PPHLN1: variants seen among roughly 807,000 people sequenced by gnomAD.
PPHLN1 encodes the protein periphilin 1, also known as periphilin-1.
Under a neutral mutation model 51.3 loss-of-function variants are expected in PPHLN1, and 29 were observed. That is an observed-to-expected ratio of 0.57 (90% CI 0.42 to 0.77). PPHLN1 has a LOEUF of 0.77. Ranked by LOEUF, PPHLN1 falls within the 30% of genes least tolerant of loss-of-function variation. The pLI, the probability that PPHLN1 is intolerant of heterozygous loss-of-function variation, is 0.00. For synonymous variants in PPHLN1, 147 were observed against 147.8 expected (o/e 0.99, Z 0.04); for missense variants, 436 against 438.4 (o/e 0.99, Z 0.05).
intron 4 of PPHLN1, among the ~76,000 whole-genome samples, chr12:42,360,455 A>ATTTTTTT (rs1565821205): frequency 8.9e-6 from 1 of 111,810 alleles, no homozygotes; most frequent in African/African-American, 3.8e-5. Context: ...GTGATGCTGA[A>ATTTTTTT]TTCTTTTTTT....
chr12:42,415,772 G>A (rs1324799021), intron 9 of PPHLN1, among the ~76,000 whole-genome samples: 1 of 152,200 alleles, frequency 6.6e-6, no homozygotes, highest in African/African-American at 2.4e-5. Flanking sequence ...ATTTTTTGAG[G>A]CAGAAGAATT....
At chr12:42,402,204 A>G (rs2078907768) in intron 9 of PPHLN1, among the ~76,000 whole-genome samples, 1 of 152,174 alleles carries the variant, frequency 6.6e-6, no homozygotes, top group Non-Finnish European at 1.5e-5. Flanking sequence ...GGGATTGATT[A>G]TTTTGGTGTT....
At chr12:42,330,364 G>A (rs1158437032) in intron 1 of PPHLN1, among the ~76,000 whole-genome samples, 1 of 152,202 alleles carries the variant, frequency 6.6e-6, no homozygotes, top group Non-Finnish European at 1.5e-5. Flanking sequence ...CATGGGTGTC[G>A]GGCTGGGGGA....
At chr12:42,433,318 C>G (rs972179831) in intron 9 of PPHLN1, 200 of 588,558 alleles carry the variant, frequency 3.4e-4, no homozygotes, top group Admixed American at 7.0e-4. Flanking sequence ...ACCTGGCATT[C>G]TGGTTGCCAA....
intron 2 of PPHLN1, among the ~76,000 whole-genome samples, chr12:42,346,417 C>T (rs1167982052): frequency 6.6e-6 from 1 of 151,946 alleles, no homozygotes; most frequent in East Asian, 1.9e-4. Flanking sequence ...GCAGTATCTC[C>T]CTCTTTTTAT....
chr12:42,377,082 T>G (rs2076330157), intron 5 of PPHLN1, among the ~76,000 whole-genome samples: 1 of 149,586 alleles, frequency 6.7e-6, no homozygotes, highest in South Asian at 2.1e-4. Context: ...TAAACTTTCT[T>G]AAAACATGAG....
At chr12:42,446,115 G>A (rs1566061616), downstream of PPHLN1, 11 of 1,558,896 alleles carry the variant, frequency 7.1e-6, no homozygotes, top group South Asian at 1.2e-5. Context: ...CGGAAGAAAC[G>A]GGTTCGTCGG....
At chr12:42,374,076 C>G (rs1393334035) in intron 4 of PPHLN1, among the ~76,000 whole-genome samples, 1 of 152,022 alleles carries the variant, frequency 6.6e-6, no homozygotes, top group Non-Finnish European at 1.5e-5. Context: ...GCCACATTGT[C>G]CTGGGGGTGG....
At chr12:42,391,323 C>G (rs1170734953) in intron 7 of PPHLN1, among the ~76,000 whole-genome samples, 2 of 152,180 alleles carry the variant, frequency 1.3e-5, no homozygotes, top group African/African-American at 2.4e-5. Flanking sequence ...ACTGCAACCT[C>G]CACCTCCCAG....
chr12:42,382,008 C>T (rs1046942061), intron 5 of PPHLN1, among the ~76,000 whole-genome samples: 1 of 152,040 alleles, frequency 6.6e-6, no homozygotes, highest in Non-Finnish European at 1.5e-5. Context: ...TGTTTTTTTT[C>T]CCTGCAGTGT....
intron 9 of PPHLN1, chr12:42,399,875 A>G (rs569435392): frequency 1.3e-5 from 2 of 152,196 alleles, no homozygotes; most frequent in Non-Finnish European, 2.9e-5. Flanking sequence ...GAATATAAGG[A>G]AAATGGAGAC....
At chr12:42,431,185 A>G (rs1432874955) in intron 9 of PPHLN1, among the ~76,000 whole-genome samples, 1 of 152,256 alleles carries the variant, frequency 6.6e-6, no homozygotes. Flanking sequence ...AAGCATTTAA[A>G]AAACATATTA....
chr12:42,434,635 A>G (rs918991184), intron 9 of PPHLN1, among the ~76,000 whole-genome samples: 8 of 152,062 alleles, frequency 5.3e-5, no homozygotes, highest in Admixed American at 5.2e-4. Flanking sequence ...TGAAGTGTTG[A>G]GTATTATGAG....
At chr12:42,421,880 G>A (rs2081040723) in intron 9 of PPHLN1, among the ~76,000 whole-genome samples, 1 of 151,780 alleles carries the variant, frequency 6.6e-6, no homozygotes, top group Middle Eastern at 3.2e-3. Flanking sequence ...TAGGATTTTT[G>A]TTATTTTGTT....
chr12:42,444,756 C>T (rs1593073070), downstream of PPHLN1: 3 of 374,532 alleles, frequency 8.0e-6, no homozygotes, highest in East Asian at 1.6e-4. Flanking sequence ...CCATATAAAA[C>T]ATGCCCTTCC....
chr12:42,430,654 C>G (rs919675005), intron 9 of PPHLN1, among the ~76,000 whole-genome samples: 3 of 151,934 alleles, frequency 2.0e-5, no homozygotes, highest in Non-Finnish European at 4.4e-5. Context: ...CCACCACGCC[C>G]AGCTAAATTT....
intron 2 of PPHLN1, chr12:42,343,855 C>G: frequency 2.3e-6 from 1 of 438,102 alleles, no homozygotes; most frequent in South Asian, 1.6e-5. Context: ...ACACTGTCAC[C>G]AAAAGACGTT....
chr12:42,432,443 C>G, intron 9 of PPHLN1: 1 of 760,350 alleles, frequency 1.3e-6, no homozygotes, highest in South Asian at 1.4e-5. Context: ...TGGAATCATA[C>G]TGTCTTCTCT....
chr12:42,436,574 T>C (rs935094356), intron 9 of PPHLN1, among the ~76,000 whole-genome samples: 15 of 152,220 alleles, frequency 9.9e-5, no homozygotes, highest in Non-Finnish European at 2.1e-4. Flanking sequence ...ACTCTTCACA[T>C]TATCATACAT....
Sources: gnomAD v4.1 joint callset for allele counts (sites outside exome capture counted in the v4.1 genomes callset) on GRCh38, gnomAD v4.1.1 for gene constraint, MANE v1.5 for transcripts, NCBI Gene and HGNC (gene_info 2026-07-23, HGNC 2026-07-21) for gene names.